CAPN2: variants seen among roughly 807,000 people sequenced by gnomAD.
CAPN2 encodes the protein calpain 2.
In CAPN2, 92 loss-of-function variants were observed where a neutral mutation model predicts 102.3. The observed-to-expected ratio is 0.90, with a 90% CI of 0.76 to 1.07. CAPN2 has a LOEUF of 1.07. Ranked by LOEUF, CAPN2 falls within the 50% of genes least tolerant of loss-of-function variation. The probability of loss-of-function intolerance (pLI) is 0.00; values close to 1 mark genes in which losing one functional copy is unlikely to be tolerated. For missense variants in CAPN2, 800 were observed against 909.4 expected (o/e 0.88, Z 1.55); for synonymous variants, 340 against 355.4 (o/e 0.96, Z 0.49).
rs557279756 is a variant in CAPN2, at chr1:223,770,600, T to A, written c.1903+75T>A. On this transcript the variant is annotated intron_variant, in intron 18 of 20. Transcript: ENST00000295006. ...ATATGTGAACACTCATCTTATACCATATAACACAAGATTTGGTAAAGCTAT... is the reference window on the plus strand; with the variant it reads ...ATATGTGAACACTCATCTTATACCAAATAACACAAGATTTGGTAAAGCTAT... 6.3e-6 allele frequency: 6 copies of A among 956,380 alleles called. No individual in the cohort carries two copies. The Admixed American group carries it at 1.0e-4, about 16-fold the overall frequency. The allele number at this position is 956,380 out of a possible 1,614,324, so 59.2% of individuals were successfully genotyped here. A position where few individuals can be genotyped will look rare whatever the true frequency, so the allele number is the denominator to read the frequency against.
rs1216167484 is a variant in CAPN2, at chr1:223,731,839, G to T, written c.308-12261G>T. On this transcript the variant is annotated intron_variant, in intron 2 of 20. Transcript: ENST00000295006. The surrounding 1 kb of genome is among the most constrained non-coding windows in gnomAD (Gnocchi z 4.2). ...CTGCCCCGTAGCAGCTCTGTGTTCTGCCTGCTCTTCCTCCAAGATGAGCTC... is the reference window on the plus strand; with the variant it reads ...CTGCCCCGTAGCAGCTCTGTGTTCTTCCTGCTCTTCCTCCAAGATGAGCTC... Among the ~76,000 whole-genome samples the T allele has an allele frequency of 6.6e-6, 1 of 152,208 alleles. No individual in the cohort carries two copies. Among genetic ancestry groups the T allele is most frequent in the Non-Finnish European group, 1.5e-5 (1 of 68,042 alleles).
chr1:223,728,431 C>G (rs1439825951), intron 2 of CAPN2, among the ~76,000 whole-genome samples: 1 of 152,124 alleles, frequency 6.6e-6, no homozygotes, highest in Non-Finnish European at 1.5e-5. Context: ...AGAGAAAGAC[C>G]TGGGAGCTGT....
chr1:223,745,264 TGC>T, intron 3 of CAPN2, 40 bp from the exon 4 acceptor site: 1 of 1,613,116 alleles, frequency 6.2e-7, no homozygotes, highest in Non-Finnish European at 8.5e-7. Context: ...GTCCCAGTGC[TGC>T]CACCAGCTCC....
intron 1 of CAPN2, among the ~76,000 whole-genome samples, 196 bp from the exon 2 acceptor site, chr1:223,717,566 C>T (rs548002233): frequency 7.2e-5 from 11 of 152,158 alleles, no homozygotes; most frequent in Non-Finnish European, 1.5e-4. Flanking sequence ...CAGGACCACC[C>T]ATCCACCCAT....
Position 223,750,964 on chromosome 1 carries a change from G to A in CAPN2, c.888G>A (p.Arg296=). ...NPWGEVEWTG[R]WNDNCPSWNT... Reference sequence around the variant, plus strand: ...GGGGAGAAGTGGAGTGGACAGGGCGGTGGAATGACAAGTGAGGAGGGCGCA... The same window carrying A: ...GGGGAGAAGTGGAGTGGACAGGGCGATGGAATGACAAGTGAGGAGGGCGCA... The change falls in exon 7 of 21, where the codon CGG becomes CGA. Residue 296 remains arginine, a synonymous_variant. Coordinates refer to ENST00000295006, the MANE Select transcript of CAPN2 (RefSeq NM_001748.5). 1 of 1,552,082 alleles carries A rather than the reference G, an allele frequency of 6.4e-7. No homozygotes were observed.
chr1:223,741,289 C>CA (rs1660603422), intron 2 of CAPN2, among the ~76,000 whole-genome samples: 1 of 150,522 alleles, frequency 6.6e-6, no homozygotes, highest in African/African-American at 2.4e-5. Context: ...GAACCAGAAG[C>CA]AAAAAAAGTA....
intron 2 of CAPN2, among the ~76,000 whole-genome samples, chr1:223,737,707 C>CGG (rs1257475756): frequency 1.7e-5 from 1 of 58,754 alleles, no homozygotes; most frequent in Non-Finnish European, 3.4e-5. Flanking sequence ...AGAGACGGGG[C>CGG]GGGGGGTGGG....
chr1:223,752,170 C>A, intron 8 of CAPN2, 99 bp downstream of exon 8: 1 of 823,816 alleles, frequency 1.2e-6, no homozygotes, highest in South Asian at 1.5e-5. Context: ...GTGAGTTTAC[C>A]ATGTCGAGGA....
At chr1:223,770,268 C>CTCA in intron 17 of CAPN2, 179 bp from the exon 18 acceptor site, 1 of 606,744 alleles carries the variant, frequency 1.6e-6, no homozygotes, top group East Asian at 2.8e-5. Flanking sequence ...TACAAACCAG[C>CTCA]TCACAGACAG....
intron 13 of CAPN2, 122 bp downstream of exon 13, chr1:223,761,739 G>C (rs1165284493): frequency 8.7e-6 from 7 of 804,230 alleles, no homozygotes; most frequent in Non-Finnish European, 4.1e-6. Flanking sequence ...GATAAAGCCG[G>C]GTACTGGGAA....
Position 223,759,485 on chromosome 1 carries a change from G to C in CAPN2, c.1529+4G>C. On this transcript the variant is annotated splice_donor_region_variant and intron_variant, in intron 12 of 20. Coordinates refer to ENST00000295006, the MANE Select transcript of CAPN2 (RefSeq NM_001748.5). The surrounding 1 kb of genome is among the most constrained non-coding windows in gnomAD (Gnocchi z 4.6). ...CTGAAAAGAAAGCTGACTACCAGTA[G>C]GCGGTTTGGTCCCTTCCTCTCCCCA... 6.2e-7 allele frequency: 1 copy of C among 1,613,448 alleles called. No individual in the cohort carries two copies. The highest frequency in any genetic ancestry group is 8.5e-7 in the Non-Finnish European group (1 of 1,179,790).
intron 10 of CAPN2, 98 bp from the exon 11 acceptor site, chr1:223,757,271 C>A: frequency 7.5e-7 from 1 of 1,327,504 alleles, no homozygotes; most frequent in Non-Finnish European, 1.1e-6. Flanking sequence ...ATTGCTAATG[C>A]TACAGAGAAA....
chr1:223,743,607 G>A lies in CAPN2; in HGVS notation c.308-493G>A, dbSNP rs181775970. 3.2e-3 allele frequency among the ~76,000 whole-genome samples: 492 copies of A among 152,142 alleles called. 3 individuals carry two copies. Among genetic ancestry groups the A allele is most frequent in the African/African-American group, 0.011 (459 of 41,516 alleles). ...CCTGGGCTCAAGGGATCCTCCTGCCGCAGCCTCCCAAGTATTCGTATTATA... is the reference window on the plus strand; with the variant it reads ...CCTGGGCTCAAGGGATCCTCCTGCCACAGCCTCCCAAGTATTCGTATTATA... On this transcript the variant is annotated intron_variant, in intron 2 of 20. Transcript: ENST00000295006.
rs41315613 is a variant in CAPN2, at chr1:223,772,276, G to A, written c.2079+37G>A. The A allele has an allele frequency of 2.4e-3, 3,788 of 1,585,080 alleles. 5 individuals are homozygous for A. Among genetic ancestry groups the A allele is most frequent in the Non-Finnish European group, 2.9e-3 (3,375 of 1,154,242 alleles). On this transcript the variant is annotated intron_variant, in intron 20 of 20. Transcript: ENST00000295006. Reference sequence around the variant, plus strand: ...GGCCCCGCCTTGCTTCTAAGGGGATGGGGGAGGCATGGGGCGGAAAGGGCT... The same window carrying A: ...GGCCCCGCCTTGCTTCTAAGGGGATAGGGGAGGCATGGGGCGGAAAGGGCT...
At chr1:223,711,132 C>T (rs1043910276), upstream of CAPN2, among the ~76,000 whole-genome samples, 2 of 152,238 alleles carry the variant, frequency 1.3e-5, no homozygotes, top group Non-Finnish European at 2.9e-5. Context: ...ACCTCATCTC[C>T]TAGCTGTGAC....
chr1:223,712,299 T>C, upstream of CAPN2: 1 of 255,056 alleles, frequency 3.9e-6, no homozygotes, highest in Non-Finnish European at 6.2e-6. Flanking sequence ...CGGGTTCCGG[T>C]GGGAGCCCCA....
At chr1:223,719,029 C>T (rs28370026) in intron 2 of CAPN2, among the ~76,000 whole-genome samples, 15,670 of 152,132 alleles carry the variant, frequency 0.1, 942 homozygotes, top group African/African-American at 0.16. Context: ...ATGAGCTGGG[C>T]GGGAAAGTTT....
rs1361374693 is a variant in CAPN2 at position 223,745,425 on chromosome 1, G to A, written c.546G>A (p.Glu182=). 1 of 1,614,210 alleles carries A rather than the reference G, an allele frequency of 6.2e-7. No homozygotes were observed. Among genetic ancestry groups the A allele is most frequent in the Admixed American group, 1.7e-5 (1 of 60,028 alleles). ...GCGAGTTCTGGAGCGCCCTGCTGGA[G>A]AAGGCATACGCCAAGTAAGTTGCCA... The part of the protein sequence containing the change: ...EGSEFWSALL[E]KAYAKINGCY... Residue 182 remains glutamate, a synonymous_variant, in exon 4 of 21, where the codon GAG becomes GAA. Coordinates refer to ENST00000295006, the MANE Select transcript of CAPN2 (RefSeq NM_001748.5).
chr1:223,704,011 C>T (rs1171438969), intron 1 of CAPN2, among the ~76,000 whole-genome samples: 1 of 152,104 alleles, frequency 6.6e-6, no homozygotes, highest in Admixed American at 6.6e-5. Context: ...TTGAACTAGG[C>T]CAGCCGTGGT....
Sources: gnomAD v4.1 joint callset for allele counts (sites outside exome capture counted in the v4.1 genomes callset) on GRCh38, gnomAD v4.1.1 for gene constraint, Gnocchi (gnomAD v3.1) non-coding constraint, MANE v1.5 for transcripts, NCBI Gene and HGNC (gene_info 2026-07-23, HGNC 2026-07-21) for gene names.